The following STPG2 variants were observed in gnomAD, a reference collection of about 807,000 sequenced individuals.
STPG2 encodes sperm-tail PG-rich repeat-containing protein 2.
A neutral mutation model predicts 54.2 loss-of-function variants in STPG2; 56 were observed. The ratio of observed to expected loss-of-function variants is 1.03; its 90% confidence interval spans 0.83 to 1.29. The LOEUF is 1.29. Ranked by LOEUF, STPG2 falls within the 50% of genes most tolerant of loss-of-function variation. The pLI is 0.00. For synonymous variants in STPG2, 200 were observed against 181.8 expected (o/e 1.10, Z -0.81); for missense variants, 596 against 544.9 (o/e 1.09, Z -0.93).
intron 8 of STPG2, among the ~76,000 whole-genome samples, chr4:97,931,671 G>T (rs1266824653): frequency 6.6e-6 from 1 of 151,282 alleles, no homozygotes; most frequent in East Asian, 1.9e-4. Context: ...GTTTTTTGTT[G>T]TTGTTGTTGT....
At chr4:97,575,243 C>T (rs1732695680) in intron 10 of STPG2, among the ~76,000 whole-genome samples, 2 of 151,912 alleles carry the variant, frequency 1.3e-5, no homozygotes, top group African/African-American at 4.8e-5. Flanking sequence ...CTTCTGAAAC[C>T]ATTCTGAAAA....
At chr4:97,918,365 G>T (rs571651923) in intron 8 of STPG2, among the ~76,000 whole-genome samples, 2 of 152,178 alleles carry the variant, frequency 1.3e-5, no homozygotes, top group Non-Finnish European at 2.9e-5. Flanking sequence ...ACAGGAAATT[G>T]TGTATACTGT....
intron 9 of STPG2, among the ~76,000 whole-genome samples, chr4:97,791,445 C>A (rs961836956): frequency 2.0e-5 from 3 of 152,118 alleles, no homozygotes; most frequent in Non-Finnish European, 2.9e-5. Context: ...TTTGTAACAT[C>A]ATTTTTCTGC....
At chr4:97,463,103 T>G (rs1394556148) in intron 4 of STPG2, among the ~76,000 whole-genome samples, 2 of 152,174 alleles carry the variant, frequency 1.3e-5, no homozygotes, top group African/African-American at 2.4e-5. Flanking sequence ...TGTGGTAAAT[T>G]ATAATTTTTT....
intron 4 of STPG2, among the ~76,000 whole-genome samples, chr4:97,506,121 A>G (rs1193125946): frequency 6.6e-6 from 1 of 151,742 alleles, no homozygotes; most frequent in Non-Finnish European, 1.5e-5. Context: ...GTTTACAAAA[A>G]CTGCAAACTC....
chr4:98,095,407 G>A (rs560963920), intron 5 of STPG2, among the ~76,000 whole-genome samples: 35 of 152,270 alleles, frequency 2.3e-4, no homozygotes, highest in Non-Finnish European at 5.0e-4. Context: ...AAGACCCAGT[G>A]TTATGCTGCC....
chr4:97,848,740 C>T (rs1207462233), intron 8 of STPG2, among the ~76,000 whole-genome samples: 1 of 151,770 alleles, frequency 6.6e-6, no homozygotes, highest in African/African-American at 2.4e-5. Context: ...TTCCCAGCAC[C>T]ATTTATTAAA....
intron 9 of STPG2, among the ~76,000 whole-genome samples, chr4:97,740,535 T>A (rs984910697): frequency 6.6e-6 from 1 of 152,078 alleles, no homozygotes; most frequent in Non-Finnish European, 1.5e-5. Flanking sequence ...AAAATCAATG[T>A]ACAAAAATCA....
At chr4:97,942,608 T>A (rs962842484) in intron 8 of STPG2, among the ~76,000 whole-genome samples, 23 of 152,122 alleles carry the variant, frequency 1.5e-4, no homozygotes, top group Non-Finnish European at 1.6e-4. Context: ...CACTCCTGAA[T>A]AGCTTTCACC....
intron 10 of STPG2, among the ~76,000 whole-genome samples, chr4:97,683,162 C>T (rs1723083068): frequency 6.6e-6 from 1 of 151,766 alleles, no homozygotes; most frequent in Admixed American, 6.6e-5. Flanking sequence ...ATATTTGTAT[C>T]AGTTCTCTTT....
chr4:97,917,808 A>T (rs1731941692), intron 8 of STPG2, among the ~76,000 whole-genome samples: 1 of 152,080 alleles, frequency 6.6e-6, no homozygotes, highest in African/African-American at 2.4e-5. Flanking sequence ...AAGATAAAGG[A>T]TTTCTCTTAG....
chr4:97,917,536 T>C (rs1731927266), intron 8 of STPG2: 1 of 152,232 alleles, frequency 6.6e-6, no homozygotes, highest in African/African-American at 2.4e-5. Flanking sequence ...GAACATAATT[T>C]ACCCCTGGCT....
intron 9 of STPG2, among the ~76,000 whole-genome samples, chr4:97,729,063 T>TTCCCTCTCTCTCTCTCTCTCTC (rs1724711530): frequency 2.4e-5 from 3 of 124,844 alleles, no homozygotes; most frequent in African/African-American, 8.5e-5. Flanking sequence ...CCCCAAGAAT[T>TTCCCTCTCTCTCTCTCTCTCTC]TCTCTCTCTC....
At chr4:97,859,093 G>A (rs551214318) in intron 8 of STPG2, among the ~76,000 whole-genome samples, 10 of 152,264 alleles carry the variant, frequency 6.6e-5, no homozygotes, top group African/African-American at 1.9e-4. Flanking sequence ...CATTCTTGCA[G>A]GAGTAAGGTG....
chr4:97,762,934 A>C (rs1363016134), intron 9 of STPG2, among the ~76,000 whole-genome samples: 2 of 152,168 alleles, frequency 1.3e-5, no homozygotes, highest in Non-Finnish European at 2.9e-5. Flanking sequence ...ACGTTCTTTC[A>C]ATTTGACCTT....
intron 8 of STPG2, among the ~76,000 whole-genome samples, chr4:97,877,487 T>G (rs1407177575): frequency 1.3e-5 from 2 of 152,178 alleles, no homozygotes; most frequent in Non-Finnish European, 2.9e-5. Context: ...TGGCTGGGGA[T>G]GCCTTATCAT....
intron 9 of STPG2, among the ~76,000 whole-genome samples, chr4:97,813,543 G>T (rs1256660210): frequency 6.6e-6 from 1 of 151,496 alleles, no homozygotes; most frequent in Non-Finnish European, 1.5e-5. Context: ...GAAGTATACA[G>T]ATTTCAAATT....
intron 9 of STPG2, among the ~76,000 whole-genome samples, chr4:97,834,964 T>G (rs529913612): frequency 3.1e-4 from 47 of 152,196 alleles, no homozygotes; most frequent in African/African-American, 1.1e-3. Flanking sequence ...TTAAGGGTTC[T>G]CTTATAAAAG....
At chr4:97,496,310 T>C (rs752873357) in intron 4 of STPG2, among the ~76,000 whole-genome samples, 2 of 151,722 alleles carry the variant, frequency 1.3e-5, no homozygotes, top group Non-Finnish European at 1.5e-5. Flanking sequence ...TTCTAACAGT[T>C]GAACAGAATG....
Sources: allele counts gnomAD v4.1 joint callset (sites outside exome capture counted in the v4.1 genomes callset), GRCh38; gene constraint gnomAD v4.1.1; transcripts MANE v1.5; gene names NCBI Gene and HGNC (gene_info 2026-07-23, HGNC 2026-07-21).